The following SLC25A15 variants were observed in gnomAD, a reference collection of about 807,000 sequenced individuals.
SLC25A15 encodes the protein solute carrier family 25 member 15.
Under a neutral mutation model 32.3 loss-of-function variants are expected in SLC25A15, and 24 were observed. That is an observed-to-expected ratio of 0.74 (90% confidence interval 0.54 to 1.04). SLC25A15 has a LOEUF of 1.04. Among genes scored for constraint, SLC25A15 ranks in the 50% least tolerant of loss-of-function variants. The pLI is 0.00. For synonymous variants in SLC25A15, 132 were observed against 142.1 expected (o/e 0.93, Z 0.51); for missense variants, 317 against 374.5 (o/e 0.85, Z 1.27).
At chr13:40,804,845 CG>C (rs1882096176) in intron 3 of SLC25A15, among the ~76,000 whole-genome samples, 1 of 152,002 alleles carries the variant, frequency 6.6e-6, no homozygotes, top group African/African-American at 2.4e-5. Flanking sequence ...CCACGGCGCC[CG>C]GCCCTTTCAT....
rs1881755007 is a variant in SLC25A15 at position 40,798,676 on chromosome 13, G to A, written c.56-381G>A. ...TCCTCCATTTTTATTTAATCCTCAC[G>A]CTAACCCTGTGAGGTGGCATGGATG... On this transcript the variant is annotated intron_variant, in intron 2 of 6. Coordinates refer to ENST00000338625, the MANE Select transcript of SLC25A15 (RefSeq NM_014252.4). 5.5e-6 allele frequency: 4 copies of A among 721,124 alleles called. No individual in the cohort carries two copies. In the African/African-American group the frequency reaches 5.8e-5, roughly 10 times the overall value. 44.7% of individuals were successfully genotyped at this position (721,124 alleles called of 1,614,324 possible).
chr13:40,809,982 C>T lies in SLC25A15; in HGVS notation c.*315C>T. On this transcript the variant is annotated 3_prime_UTR_variant, in exon 7 of 7. Transcript: ENST00000338625. The stretch of plus-strand genomic sequence containing the variant: ...GTCAGGGCTTTTACGTAAACCTCCA[C>T]TTGTACATGCAATTTGGACAGTTAT... 5.3e-6 allele frequency: 2 copies of T among 377,702 alleles called. No individual in the cohort carries two copies. Among genetic ancestry groups the T allele is most frequent in the Non-Finnish European group, 5.0e-6 (1 of 198,410 alleles). The allele number at this position is 377,702 out of a possible 1,614,324, so 23.4% of individuals were successfully genotyped here.
chr13:40,808,068 G>C (rs181362838), intron 5 of SLC25A15, among the ~76,000 whole-genome samples: 1 of 152,310 alleles, frequency 6.6e-6, no homozygotes, highest in East Asian at 1.9e-4. Context: ...TTAAGAGTGA[G>C]AAAGTTGAAA....
At chr13:40,807,865 G>T (rs1440701178) in intron 5 of SLC25A15, among the ~76,000 whole-genome samples, 1 of 152,156 alleles carries the variant, frequency 6.6e-6, no homozygotes, top group Non-Finnish European at 1.5e-5. Flanking sequence ...GTTCTTTGTA[G>T]CTTATCGTGT....
chr13:40,793,432 C>T (rs1351340848), intron 2 of SLC25A15, 151 bp downstream of exon 2: 2 of 752,782 alleles, frequency 2.7e-6, no homozygotes, highest in East Asian at 5.5e-5. Flanking sequence ...TTATAGTTGC[C>T]TGCAACATCC....
At chr13:40,808,796 G>T (rs1198192093) in intron 6 of SLC25A15, among the ~76,000 whole-genome samples, 200 bp downstream of exon 6, 2 of 151,936 alleles carry the variant, frequency 1.3e-5, no homozygotes, top group Admixed American at 1.3e-4. Flanking sequence ...TCAGCCAGGC[G>T]TGGTGGCAGG....
chr13:40,804,772 G>C (rs1030492876), intron 3 of SLC25A15, among the ~76,000 whole-genome samples: 14 of 150,868 alleles, frequency 9.3e-5, no homozygotes, highest in African/African-American at 2.4e-4. Flanking sequence ...GGATGGTCTC[G>C]ATCTCCTGAC....
chr13:40,796,485 A>C (rs1447765203), intron 2 of SLC25A15, among the ~76,000 whole-genome samples: 1 of 152,260 alleles, frequency 6.6e-6, no homozygotes, highest in African/African-American at 2.4e-5. Context: ...CAATGCAGTC[A>C]CTACTTTGAC....
chr13:40,809,742 G>C lies in SLC25A15; in HGVS notation c.*75G>C, dbSNP rs1882368759. On this transcript the variant is annotated 3_prime_UTR_variant, in exon 7 of 7. Transcript: ENST00000338625. ...CATCTCAGGGTTTCTTGGAGTACAA[G>C]ACCAGTGTGAAGTTATTCTGATTTC... 50 of 1,516,208 alleles carry C rather than the reference G, an allele frequency of 3.3e-5. No homozygotes were observed. In the South Asian group the frequency reaches 5.3e-4, roughly 16 times the overall value. The allele number at this position is 1,516,208 out of a possible 1,614,324, so 93.9% of individuals were successfully genotyped here.
At chr13:40,793,618 C>A (rs1229793950) in intron 2 of SLC25A15, among the ~76,000 whole-genome samples, 1 of 152,204 alleles carries the variant, frequency 6.6e-6, no homozygotes, top group African/African-American at 2.4e-5. Flanking sequence ...TTAAGCAATG[C>A]CTAACTATAA....
In SLC25A15 at chr13:40,809,680, G is replaced by T. The variant is rs368080925; in HGVS notation, c.*13G>T. 6.2e-7 allele frequency: 1 copy of T among 1,612,820 alleles called. No homozygotes were observed. The highest frequency in any genetic ancestry group is 8.5e-7 in the Non-Finnish European group (1 of 1,179,786). ...GGAAGCATACTGAAGTGTCTTGGTGGGCCTGAGCCAAGCACAGGTGTTTGA... is the reference window on the plus strand; with the variant it reads ...GGAAGCATACTGAAGTGTCTTGGTGTGCCTGAGCCAAGCACAGGTGTTTGA... On this transcript the variant is annotated 3_prime_UTR_variant, in exon 7 of 7. Transcript: ENST00000338625.
chr13:40,798,996 T>C lies in SLC25A15; in HGVS notation c.56-61T>C, dbSNP rs567609947. On this transcript the variant is annotated intron_variant, in intron 2 of 6. Coordinates refer to ENST00000338625, the MANE Select transcript of SLC25A15 (RefSeq NM_014252.4). ...GTTCTGGGGTAGGCTGCCTGTGCCT[T>C]CCTTCCATGGATAATGGAACTGTAG... 3.8e-4 allele frequency: 614 copies of C among 1,613,732 alleles called. 7 individuals carry two copies. In the South Asian group the frequency reaches 6.4e-3, roughly 17 times the overall value.
At chr13:40,805,716 A>G (rs1002147502) in intron 4 of SLC25A15, among the ~76,000 whole-genome samples, 2 of 152,208 alleles carry the variant, frequency 1.3e-5, no homozygotes, top group African/African-American at 2.4e-5. Context: ...TACCCCACTT[A>G]TCCCCAGTCC....
chr13:40,801,524 G>A (rs990435225), intron 3 of SLC25A15, among the ~76,000 whole-genome samples: 4 of 152,176 alleles, frequency 2.6e-5, no homozygotes, highest in African/African-American at 9.7e-5. Flanking sequence ...CTAAGGACTT[G>A]AAATTGTGTC....
chr13:40,802,962 C>T (rs1881957339), intron 3 of SLC25A15, among the ~76,000 whole-genome samples: 1 of 152,130 alleles, frequency 6.6e-6, no homozygotes, highest in African/African-American at 2.4e-5. Context: ...CCCACCCACC[C>T]TTAGGGGTTT....
Position 40,810,893 on chromosome 13 carries a change from C to T in SLC25A15, c.*1226C>T, listed in dbSNP as rs574255399. ...GGGGCCATCAATCCACTTTGGGCCA[C>T]TCACTGTCTGCTCTGCCTCCACCAA... On this transcript the variant is annotated 3_prime_UTR_variant, in exon 7 of 7. Transcript: ENST00000338625. 1.9e-6 allele frequency: 1 copy of T among 533,884 alleles called. No individual in the cohort carries two copies. Among genetic ancestry groups the T allele is most frequent in the African/African-American group, 1.9e-5 (1 of 52,076 alleles). 33.1% of individuals were successfully genotyped at this position (533,884 alleles called of 1,614,324 possible).
At chr13:40,807,112 T>C (rs1357650588) in intron 4 of SLC25A15, among the ~76,000 whole-genome samples, 182 bp from the exon 5 acceptor site, 1 of 152,256 alleles carries the variant, frequency 6.6e-6, no homozygotes, top group East Asian at 1.9e-4. Context: ...AATTCCTTAC[T>C]GTAAATAAAT....
In SLC25A15 at chr13:40,794,148, T is replaced by C. The variant is rs186770567; in HGVS notation, c.55+867T>C. 3.9e-4 allele frequency among the ~76,000 whole-genome samples: 59 copies of C among 152,248 alleles called. 1 individual carries two copies. Among genetic ancestry groups the C allele is most frequent in the Admixed American group, 3.0e-3 (46 of 15,286 alleles). The stretch of plus-strand genomic sequence containing the variant: ...CTGAGGTGAGGAGTTCAAGACCAGC[T>C]TGACCAACATGGAGAAACCCCGTCT... On this transcript the variant is annotated intron_variant, in intron 2 of 6. Coordinates refer to ENST00000338625, the MANE Select transcript of SLC25A15 (RefSeq NM_014252.4).
intron 5 of SLC25A15, 76 bp downstream of exon 5, chr13:40,807,539 T>C: frequency 6.7e-7 from 1 of 1,490,054 alleles, no homozygotes; most frequent in Non-Finnish European, 9.3e-7. Context: ...GTGGATTCTC[T>C]GCCCTTTGTG....
Sources: allele counts gnomAD v4.1 joint callset (sites outside exome capture counted in the v4.1 genomes callset), GRCh38; gene constraint gnomAD v4.1.1; transcripts MANE v1.5; gene names NCBI Gene and HGNC (gene_info 2026-07-23, HGNC 2026-07-21).